Variants in ANKMY2 observed in about 807,000 individuals in gnomAD.
ANKMY2 encodes the protein ankyrin repeat and MYND domain containing 2.
In ANKMY2, 36 loss-of-function variants were observed where a neutral mutation model predicts 50.4. The ratio of observed to expected loss-of-function variants is 0.71; its 90% CI spans 0.55 to 0.94. ANKMY2 has a LOEUF of 0.94. Among genes scored for constraint, ANKMY2 ranks in the 40% least tolerant of loss-of-function variants. The pLI, the probability that ANKMY2 is intolerant of heterozygous loss-of-function variation, is 0.00. For synonymous variants in ANKMY2, 187 were observed against 178.8 expected (o/e 1.05, Z -0.36); for missense variants, 565 against 524.0 (o/e 1.08, Z -0.76).
At chr7:16,612,587 A>G (rs1265493363) in intron 5 of ANKMY2, among the ~76,000 whole-genome samples, 2 of 152,206 alleles carry the variant, frequency 1.3e-5, no homozygotes, top group Non-Finnish European at 2.9e-5. Context: ...AATCAACTAT[A>G]GAATCTTAAA....
At chr7:16,605,540 C>T (rs894207291) in intron 7 of ANKMY2, among the ~76,000 whole-genome samples, 6 of 151,880 alleles carry the variant, frequency 4.0e-5, no homozygotes, top group Non-Finnish European at 7.4e-5. Flanking sequence ...CTCTGTCACC[C>T]GGCTGGAGGT....
intron 2 of ANKMY2, among the ~76,000 whole-genome samples, chr7:16,633,839 C>T (rs1013845080): frequency 7.9e-5 from 12 of 152,092 alleles, no homozygotes; most frequent in East Asian, 1.9e-4. Flanking sequence ...GGTGCTATTG[C>T]GATCTTACAG....
At chr7:16,612,513 T>A (rs1015564365) in intron 5 of ANKMY2, among the ~76,000 whole-genome samples, 2 of 152,250 alleles carry the variant, frequency 1.3e-5, no homozygotes, top group African/African-American at 4.8e-5. Context: ...ATTATCTGTT[T>A]ATACTTCTGC....
At chr7:16,610,033 T>C (rs1018300913) in intron 6 of ANKMY2, among the ~76,000 whole-genome samples, 2 of 152,206 alleles carry the variant, frequency 1.3e-5, no homozygotes, top group Non-Finnish European at 2.9e-5. Context: ...AGTTACTTAT[T>C]ACCATGTCAG....
chr7:16,634,018 G>A (rs893054642), intron 2 of ANKMY2, among the ~76,000 whole-genome samples: 1 of 152,016 alleles, frequency 6.6e-6, no homozygotes, highest in African/African-American at 2.4e-5. Context: ...TATTTTGTCT[G>A]ATATTAATTT....
intron 7 of ANKMY2, 67 bp from the exon 8 acceptor site, chr7:16,604,916 C>A: frequency 6.7e-7 from 1 of 1,491,784 alleles, no homozygotes; most frequent in East Asian, 2.3e-5. Context: ...ACAGAGGTAT[C>A]AGCCCACGGA....
At position 16,645,752 on chromosome 7, in the gene ANKMY2, C is replaced by T. The variant is rs947094929; in HGVS notation, c.-179G>A. The stretch of plus-strand genomic sequence containing the variant: ...CGCGGGCTGGCGGACAGCGGGCGAG[C>T]TCGGGCGAGCCAGGCGGACGGTCTC... On this transcript the variant is annotated 5_prime_UTR_variant, in exon 1 of 10. Coordinates refer to ENST00000306999, the MANE Select transcript of ANKMY2 (RefSeq NM_020319.3). The T allele has an allele frequency of 6.3e-5, 40 of 634,602 alleles. No homozygotes were observed. The highest frequency in any genetic ancestry group is 9.3e-5 in the Non-Finnish European group (38 of 408,054). The allele number at this position is 634,602 out of a possible 1,614,324, so 39.3% of individuals were successfully genotyped here. A position where few individuals can be genotyped will look rare whatever the true frequency, so the allele number is the denominator to read the frequency against.
intron 4 of ANKMY2, among the ~76,000 whole-genome samples, chr7:16,616,224 T>C (rs1232714518): frequency 6.6e-6 from 1 of 152,214 alleles, no homozygotes; most frequent in African/African-American, 2.4e-5. Context: ...GTAAGTTAAA[T>C]GTCTCTTCTT....
chr7:16,632,213 ATTTTTACTGT>A (rs1781598979), intron 2 of ANKMY2, among the ~76,000 whole-genome samples: 1 of 149,242 alleles, frequency 6.7e-6, no homozygotes, highest in Non-Finnish European at 1.5e-5. Flanking sequence ...TAAGTTGATA[ATTTTTACTGT>A]TTTTTCTTTC....
At chr7:16,644,603 AC>A (rs1357575829) in intron 1 of ANKMY2, 4 of 442,288 alleles carry the variant, frequency 9.0e-6, no homozygotes, top group African/African-American at 6.2e-5. Flanking sequence ...TAAAATCACC[AC>A]ATTAATTGCC....
intron 5 of ANKMY2, among the ~76,000 whole-genome samples, chr7:16,612,390 TTAA>T (rs529184391): frequency 2.6e-4 from 40 of 152,310 alleles, no homozygotes; most frequent in African/African-American, 9.4e-4. Flanking sequence ...AATCCAGCAC[TTAA>T]TAATAAGTTA....
In ANKMY2 at chr7:16,636,458, A is replaced by G. The variant is rs1347960184; in HGVS notation, c.68-3T>C. ...TGTTCCAGCTTCTTGGACAGTACCT[A>G]AAAAAAAAAAAAAGATGAAAAGTAA... On this transcript the variant is annotated splice_region_variant and splice_polypyrimidine_tract_variant and intron_variant, in intron 1 of 9. Coordinates refer to ENST00000306999, the MANE Select transcript of ANKMY2 (RefSeq NM_020319.3). 1.4e-5 allele frequency: 4 copies of G among 279,308 alleles called. No homozygotes were observed. Among genetic ancestry groups the G allele is most frequent in the Non-Finnish European group, 2.2e-5 (4 of 179,758 alleles). The allele number at this position is 279,308 out of a possible 1,614,324, so 17.3% of individuals were successfully genotyped here.
Position 16,603,370 on chromosome 7 carries a change from G to C in ANKMY2, c.1012-861C>G, listed in dbSNP as rs476489. 7.2e-5 allele frequency among the ~76,000 whole-genome samples: 11 copies of C among 152,218 alleles called. No individual in the cohort carries two copies. The South Asian group carries it at 1.9e-3, about 26-fold the overall frequency. On this transcript the variant is annotated intron_variant, in intron 8 of 9. Transcript: ENST00000306999. ...CAACTCACTCTAGCTGTGGTGAGTCGAGGTAGACAGAAAAATGGGAAAGAA... is the reference window on the plus strand; with the variant it reads ...CAACTCACTCTAGCTGTGGTGAGTCCAGGTAGACAGAAAAATGGGAAAGAA...
In ANKMY2 at chr7:16,600,695, C is replaced by G; in HGVS notation, c.*66G>C. 1 of 1,421,230 alleles carries G rather than the reference C, an allele frequency of 7.0e-7. No homozygotes were observed. Among genetic ancestry groups the G allele is most frequent in the Non-Finnish European group, 9.5e-7 (1 of 1,057,332 alleles). The allele number at this position is 1,421,230 out of a possible 1,614,324, so 88.0% of individuals were successfully genotyped here. On this transcript the variant is annotated 3_prime_UTR_variant, in exon 10 of 10. Transcript: ENST00000306999. ...CAGGTATAACAAGGTGAGGACAATGCATTCCTAGGAGTTTTCCAGCTTCTT... is the reference window on the plus strand; with the variant it reads ...CAGGTATAACAAGGTGAGGACAATGGATTCCTAGGAGTTTTCCAGCTTCTT...
chr7:16,603,125 T>C (rs919496680), intron 8 of ANKMY2, among the ~76,000 whole-genome samples: 7 of 152,206 alleles, frequency 4.6e-5, no homozygotes, highest in Admixed American at 2.0e-4. Flanking sequence ...AATGAATATA[T>C]AACAAACAGT....
At chr7:16,639,217 T>C (rs1463052440) in intron 1 of ANKMY2, among the ~76,000 whole-genome samples, 2 of 152,258 alleles carry the variant, frequency 1.3e-5, no homozygotes, top group African/African-American at 4.8e-5. Context: ...TTACTTTATG[T>C]CATTCCTACT....
chr7:16,624,870 A>T, intron 4 of ANKMY2, 113 bp downstream of exon 4: 1 of 831,986 alleles, frequency 1.2e-6, no homozygotes, highest in Non-Finnish European at 1.9e-6. Flanking sequence ...GTAAATACTT[A>T]AGTTTTTTTA....
At chr7:16,613,539 C>A (rs538474862) in intron 5 of ANKMY2, among the ~76,000 whole-genome samples, 2 of 151,996 alleles carry the variant, frequency 1.3e-5, no homozygotes, top group African/African-American at 4.8e-5. Flanking sequence ...TAGGATAGCC[C>A]CCTTCATACT....
intron 2 of ANKMY2, among the ~76,000 whole-genome samples, chr7:16,633,482 T>A (rs1781615595): frequency 6.6e-6 from 1 of 152,170 alleles, no homozygotes; most frequent in South Asian, 2.1e-4. Context: ...ATAAATGTTG[T>A]ATTTTCAGTT....
Sources: allele counts gnomAD v4.1 joint callset (sites outside exome capture counted in the v4.1 genomes callset), GRCh38; gene constraint gnomAD v4.1.1; transcripts MANE v1.5; gene names NCBI Gene and HGNC (gene_info 2026-07-23, HGNC 2026-07-21).